SHANK2: variants seen among roughly 807,000 people sequenced by gnomAD.
SHANK2 encodes SH3 and multiple ankyrin repeat domains 2.
In SHANK2, 43 loss-of-function variants were observed where a neutral mutation model predicts 133.7. The observed-to-expected ratio is 0.32, with a 90% CI of 0.25 to 0.41. SHANK2 has a LOEUF of 0.41. Ranked by LOEUF, SHANK2 falls within the 10% of genes least tolerant of loss-of-function variation. The pLI is 1.00. For missense variants in SHANK2, 1,994 were observed against 2,235.8 expected, an observed-to-expected ratio of 0.89 and a Z score of 2.18; for synonymous variants, 1,017 against 952.8, an observed-to-expected ratio of 1.07 and a Z score of -1.24.
chr11:70,798,359 G>C, intron 14 of SHANK2, 84 bp downstream of exon 14: 1 of 701,518 alleles, frequency 1.4e-6, no homozygotes, highest in Non-Finnish European at 2.6e-6. Flanking sequence ...CGCAACGGCC[G>C]AATCTTGCCA....
In SHANK2 at chr11:71,175,360, A is replaced by G. The variant is rs190729075; in HGVS notation, c.-12-28022T>C. Among the ~76,000 whole-genome samples the G allele has an allele frequency of 1.1e-4, 17 of 152,258 alleles. No individual in the cohort carries two copies. The East Asian group carries it at 1.2e-3, about 10-fold the overall frequency. Reference sequence around the variant, plus strand: ...GCCACAGAGGTGGTGTCAGTGAGAAACCAAGGCTGCTGCTGGGTGGTCCTG... The same window carrying G: ...GCCACAGAGGTGGTGTCAGTGAGAAGCCAAGGCTGCTGCTGGGTGGTCCTG... On this transcript the variant is annotated intron_variant, in intron 2 of 25. Coordinates refer to ENST00000601538, the MANE Select transcript of SHANK2 (RefSeq NM_012309.5). The surrounding 1 kb of genome is among the most constrained non-coding windows in gnomAD (Gnocchi z 4.2).
At chr11:70,779,086 G>T (rs1260468031) in intron 14 of SHANK2, among the ~76,000 whole-genome samples, 1 of 152,124 alleles carries the variant, frequency 6.6e-6, no homozygotes, top group Non-Finnish European at 1.5e-5. Context: ...AGCAAAGCCA[G>T]AGACTGGATC....
At chr11:70,646,560 A>G (rs2061264083) in intron 17 of SHANK2, among the ~76,000 whole-genome samples, 1 of 152,230 alleles carries the variant, frequency 6.6e-6, no homozygotes, top group African/African-American at 2.4e-5. Context: ...ATGGGACCTG[A>G]ACTCTGCACT....
At chr11:70,805,810 C>T (rs1165943536) in intron 13 of SHANK2, among the ~76,000 whole-genome samples, 5 of 152,076 alleles carry the variant, frequency 3.3e-5, no homozygotes, top group Non-Finnish European at 7.4e-5. Flanking sequence ...ACGGACTTAA[C>T]AGCTACAGGG....
chr11:70,625,115 C>A (rs1438101790), intron 17 of SHANK2, among the ~76,000 whole-genome samples: 1 of 152,164 alleles, frequency 6.6e-6, no homozygotes, highest in South Asian at 2.1e-4. Context: ...GCAAAGGGAT[C>A]CAGGCTGAGA....
intron 12 of SHANK2, among the ~76,000 whole-genome samples, chr11:70,816,425 G>A (rs1555054375): frequency 6.6e-6 from 1 of 152,204 alleles, no homozygotes; most frequent in Non-Finnish European, 1.5e-5. Flanking sequence ...AGTGGGGAGG[G>A]CTTTCCCCTC....
At chr11:70,873,418 A>C (rs1314570760) in intron 11 of SHANK2, among the ~76,000 whole-genome samples, 7 of 152,198 alleles carry the variant, frequency 4.6e-5, no homozygotes, top group Admixed American at 4.6e-4. Context: ...GGGAAACAGC[A>C]GAGGGGAGGC....
At chr11:70,602,392 T>C (rs1464920443) in intron 17 of SHANK2, among the ~76,000 whole-genome samples, 1 of 152,230 alleles carries the variant, frequency 6.6e-6, no homozygotes, top group Non-Finnish European at 1.5e-5. Flanking sequence ...TGCCTCCTAG[T>C]GATCTAGCAG....
rs782490773 is a variant in SHANK2, at chr11:70,502,750, C to CG, written c.2197+45_2197+46insC. ...TGTCCTGCCCGCCCCCACCCCCCCC[C>CG]CCCAGTAGGGCCCCAGGCTGGAGCT... On this transcript the variant is annotated intron_variant, in intron 18 of 25. Coordinates refer to ENST00000601538, the MANE Select transcript of SHANK2 (RefSeq NM_012309.5). 3.9e-5 allele frequency: 50 copies of CG among 1,278,444 alleles called. 1 individual carries two copies. In the East Asian group the frequency reaches 6.2e-4, roughly 16 times the overall value. 79.2% of individuals were successfully genotyped at this position (1,278,444 alleles called of 1,614,324 possible).
At chr11:70,692,114 T>C (rs1452527794) in intron 15 of SHANK2, among the ~76,000 whole-genome samples, 1 of 152,110 alleles carries the variant, frequency 6.6e-6, no homozygotes. Context: ...TAAAGCCTTC[T>C]TTTCAAGTCT....
intron 3 of SHANK2, among the ~76,000 whole-genome samples, chr11:71,123,996 C>T (rs1565464559): frequency 6.6e-6 from 1 of 150,740 alleles, no homozygotes; most frequent in Admixed American, 6.6e-5. Flanking sequence ...GGTGGTGATG[C>T]TGATGATGAG....
chr11:71,070,887 A>T lies in SHANK2; in HGVS notation c.1029+4272T>A, dbSNP rs1016134140. On this transcript the variant is annotated intron_variant, in intron 9 of 25. Coordinates refer to ENST00000601538, the MANE Select transcript of SHANK2 (RefSeq NM_012309.5). ...CGAGGTGGGGAGAGGATGTCCTGAG[A>T]GCCCCAGCCAGCTTGGGACCCTCCT... is the stretch of plus-strand genomic sequence containing the variant. Among the ~76,000 whole-genome samples the T allele has an allele frequency of 4.8e-3, 725 of 152,242 alleles. 2 individuals are homozygous for T. The highest frequency in any genetic ancestry group is 0.017 in the African/African-American group (688 of 41,540).
At chr11:70,482,339 C>T (rs2058746283) in intron 25 of SHANK2, among the ~76,000 whole-genome samples, 1 of 152,210 alleles carries the variant, frequency 6.6e-6, no homozygotes, top group Non-Finnish European at 1.5e-5. Flanking sequence ...CTATTAGCCT[C>T]TTGCTGACCA....
chr11:70,917,316 C>T (rs1404145644), intron 10 of SHANK2, among the ~76,000 whole-genome samples: 1 of 152,086 alleles, frequency 6.6e-6, no homozygotes, highest in Non-Finnish European at 1.5e-5. Flanking sequence ...AATAAGATAC[C>T]ATCTCATGCC....
At chr11:70,550,586 A>G (rs934128821) in intron 17 of SHANK2, among the ~76,000 whole-genome samples, 1 of 152,220 alleles carries the variant, frequency 6.6e-6, no homozygotes, top group Non-Finnish European at 1.5e-5. Context: ...AGGAAAGACC[A>G]CATCCAAGGG....
At chr11:70,890,086 G>T (rs1949816179) in intron 11 of SHANK2, among the ~76,000 whole-genome samples, 2 of 152,184 alleles carry the variant, frequency 1.3e-5, no homozygotes, top group African/African-American at 4.8e-5. Flanking sequence ...TAGATCTGGG[G>T]GGTAGAAGGG....
chr11:70,894,103 T>C (rs1325822831), intron 11 of SHANK2, among the ~76,000 whole-genome samples: 2 of 152,228 alleles, frequency 1.3e-5, no homozygotes, highest in African/African-American at 4.8e-5. Flanking sequence ...ATCCCAAAAC[T>C]GAAAAGACAA....
rs28876818 is a variant in SHANK2 at position 71,175,965 on chromosome 11, C to T, written c.-12-28627G>A. Among the ~76,000 whole-genome samples the T allele has an allele frequency of 0.21, 31,275 of 152,066 alleles. 3,410 individuals are homozygous for T. The highest frequency in any genetic ancestry group is 0.28 in the South Asian group (1,364 of 4,808). On this transcript the variant is annotated intron_variant, in intron 2 of 25. Coordinates refer to ENST00000601538, the MANE Select transcript of SHANK2 (RefSeq NM_012309.5). The surrounding 1 kb of genome is among the most constrained non-coding windows in gnomAD (Gnocchi z 4.2). ...AACGGAGCCTAGTAGAGATGTGTTC[C>T]CTTATTCAGAATATGATGGATGCAA...
At chr11:70,951,807 T>G (rs1950849357) in intron 10 of SHANK2, among the ~76,000 whole-genome samples, 1 of 152,182 alleles carries the variant, frequency 6.6e-6, no homozygotes. Flanking sequence ...TTCCTGCCTC[T>G]CCCAACTTCA....
Sources: gnomAD v4.1 joint callset for allele counts (sites outside exome capture counted in the v4.1 genomes callset) on GRCh38, gnomAD v4.1.1 for gene constraint, Gnocchi (gnomAD v3.1) non-coding constraint, MANE v1.5 for transcripts, NCBI Gene and HGNC (gene_info 2026-07-23, HGNC 2026-07-21) for gene names.